The following FDCSP variants were observed in gnomAD, a reference collection of about 807,000 sequenced individuals.
FDCSP encodes the protein follicular dendritic cell secreted peptide.
Under a neutral mutation model 8.9 loss-of-function variants are expected in FDCSP, and 8 were observed. The observed-to-expected ratio is 0.90, with a 90% CI of 0.53 to 1.63. The LOEUF is 1.63. Among genes scored for constraint, FDCSP ranks in the 40% most tolerant of loss-of-function variants. The pLI is 0.00. For missense variants in FDCSP, 101 were observed against 103.6 expected, an observed-to-expected ratio of 0.98 and a Z score of 0.11; for synonymous variants, 34 against 34.5, an observed-to-expected ratio of 0.98 and a Z score of 0.06.
At chr4:70,231,818 C>G (rs554705782) in intron 2 of FDCSP, among the ~76,000 whole-genome samples, 55 of 151,740 alleles carry the variant, frequency 3.6e-4, no homozygotes, top group African/African-American at 1.3e-3. Flanking sequence ...GATGATAGTT[C>G]CACATGTCTA....
intron 1 of FDCSP, among the ~76,000 whole-genome samples, chr4:70,227,046 T>C (rs771709904): frequency 1.3e-4 from 19 of 151,880 alleles, no homozygotes; most frequent in Admixed American, 3.3e-4. Flanking sequence ...CTACATATGG[T>C]ATATATCACG....
intron 2 of FDCSP, 121 bp downstream of exon 2, chr4:70,231,372 C>T (rs1730079861): frequency 9.5e-6 from 7 of 737,320 alleles, no homozygotes; most frequent in South Asian, 9.3e-5. Context: ...CTACCAAGTG[C>T]AGTGGCTTAC....
intron 1 of FDCSP, among the ~76,000 whole-genome samples, chr4:70,227,460 A>C (rs913776545): frequency 1.3e-5 from 2 of 151,726 alleles, no homozygotes; most frequent in Non-Finnish European, 2.9e-5. Flanking sequence ...ATAGATGTAT[A>C]GGAAACATCA....
chr4:70,229,334 T>C (rs891933663), intron 1 of FDCSP, among the ~76,000 whole-genome samples: 2 of 151,774 alleles, frequency 1.3e-5, no homozygotes, highest in Non-Finnish European at 1.5e-5. Flanking sequence ...GCTGGTTTGA[T>C]CTATCCAGAC....
intron 1 of FDCSP, among the ~76,000 whole-genome samples, chr4:70,230,933 T>C (rs903313714): frequency 3.3e-5 from 5 of 151,738 alleles, no homozygotes; most frequent in Non-Finnish European, 5.9e-5. Context: ...AAATAATATG[T>C]TAATGTTTAT....
At chr4:70,234,580 C>G (rs979503385) in intron 4 of FDCSP, among the ~76,000 whole-genome samples, 1 of 151,432 alleles carries the variant, frequency 6.6e-6, no homozygotes, top group South Asian at 2.1e-4. Context: ...AGTTATGGGC[C>G]TAGAGTTTAA....
intron 1 of FDCSP, among the ~76,000 whole-genome samples, chr4:70,229,190 C>CTTTTTTTTTTTTT (rs1730038820): frequency 6.6e-6 from 1 of 151,728 alleles, no homozygotes; most frequent in African/African-American, 2.4e-5. Context: ...TTACCTTGCA[C>CTTTTTTTTTTTTT]TTTTATGTTA....
intron 2 of FDCSP, 109 bp from the exon 3 acceptor site, chr4:70,232,885 A>G: frequency 7.3e-6 from 7 of 955,232 alleles, no homozygotes; most frequent in Non-Finnish European, 1.1e-5. Context: ...ATTTTAAAAA[A>G]TGGTTATTAT....
chr4:70,234,651 T>A (rs1037293941), intron 4 of FDCSP, among the ~76,000 whole-genome samples: 5 of 151,434 alleles, frequency 3.3e-5, no homozygotes, highest in Admixed American at 2.0e-4. Context: ...ACTCCAAACC[T>A]AGCTTCCAAG....
intron 1 of FDCSP, among the ~76,000 whole-genome samples, chr4:70,227,456 G>A (rs777797): frequency 0.9 from 137,185 of 151,632 alleles, 62,163 homozygotes; most frequent in Middle Eastern, 0.96. Flanking sequence ...TCTCATAGAT[G>A]TATAGGAAAC....
rs540615354 is a variant in FDCSP, at chr4:70,230,887, C to T, written c.1-308C>T. Among the ~76,000 whole-genome samples, 5 of 151,728 alleles carry T rather than the reference C, an allele frequency of 3.3e-5. No homozygotes were observed. In the East Asian group the frequency reaches 9.7e-4, roughly 29 times the overall value. On this transcript the variant is annotated intron_variant, in intron 1 of 4. Transcript: ENST00000317987. ...ATTTTTTATTTTAAGTTCAGGGATA[C>T]ATGTGTAGGTTTGTTACATAGGAAT...
At chr4:70,233,072 A>G in intron 3 of FDCSP, 46 bp downstream of exon 3, 1 of 1,468,424 alleles carries the variant, frequency 6.8e-7, no homozygotes, top group East Asian at 2.3e-5. Flanking sequence ...TACACGTGAA[A>G]TATTCATAAC....
Position 70,232,973 on chromosome 4 carries a change from AT to A in FDCSP, c.58-18del. 6.3e-7 allele frequency: 1 copy of A among 1,582,830 alleles called. No individual in the cohort carries two copies. Among genetic ancestry groups the A allele is most frequent in the Non-Finnish European group, 8.6e-7 (1 of 1,165,280 alleles). On this transcript the variant is annotated intron_variant, in intron 2 of 4. Coordinates refer to ENST00000317987, the MANE Select transcript of FDCSP (RefSeq NM_152997.4). The stretch of plus-strand genomic sequence containing the variant: ...GTTTTCATGAGCATGAGTTTAATTA[AT>A]TTCACTATTTGATCTTTAGGTCTCT...
At position 70,231,253 on chromosome 4, in the gene FDCSP, T is replaced by G; in HGVS notation, c.57+2T>G. The G allele has an allele frequency of 1.9e-6, 3 of 1,604,318 alleles. No individual in the cohort carries two copies. Among genetic ancestry groups the G allele is most frequent in the South Asian group, 2.2e-5 (2 of 89,872 alleles). On this transcript the variant is annotated splice_donor_variant, in intron 2 of 4. Coordinates refer to ENST00000317987, the MANE Select transcript of FDCSP (RefSeq NM_152997.4). LOFTEE classifies it high-confidence loss of function. ...TTGGCAGTGGCTGTTGGTTTCCCAG[T>G]AAGTATCCACGTATACATTCCAAAA...
Position 70,234,075 on chromosome 4 carries a change from C to T in FDCSP, c.146C>T (p.Pro49Leu), listed in dbSNP as rs1417700680. ...SGFFVFPYPY[P>L]FRPLPPIPFP... ...TTTTTTGTGTTCCCTTACCCATATC[C>T]ATTTCGCCCACTTCCACCAATTCCA... Residue 49 changes from proline to leucine, a missense_variant, in exon 4 of 5, where the codon CCA becomes CTA. Pro to Leu is a moderately conservative substitution (Grantham distance 98). Coordinates refer to ENST00000317987, the MANE Select transcript of FDCSP (RefSeq NM_152997.4). 6.2e-7 allele frequency: 1 copy of T among 1,611,156 alleles called. No homozygotes were observed. Among genetic ancestry groups the T allele is most frequent in the Non-Finnish European group, 8.5e-7 (1 of 1,178,150 alleles).
At position 70,235,154 on chromosome 4, in the gene FDCSP, T is replaced by C. The variant is rs182270445; in HGVS notation, c.*98T>C. On this transcript the variant is annotated 3_prime_UTR_variant, in exon 5 of 5. Coordinates refer to ENST00000317987, the MANE Select transcript of FDCSP (RefSeq NM_152997.4). The stretch of plus-strand genomic sequence containing the variant: ...TTCCTGTTAATAAAAGAAAAACAAA[T>C]GTAATTGAAATAGCACACAGCATTC... 12 of 151,826 alleles carry C rather than the reference T, an allele frequency of 7.9e-5. No individual in the cohort carries two copies. Among genetic ancestry groups the C allele is most frequent in the African/African-American group, 2.9e-4 (12 of 41,496 alleles). The allele number at this position is 151,826 out of a possible 1,614,324, so 9.4% of individuals were successfully genotyped here. A position where few individuals can be genotyped will look rare whatever the true frequency, so the allele number is the denominator to read the frequency against.
rs1468981537 is a variant in FDCSP at position 70,231,423 on chromosome 4, T to C, written c.57+172T>C. On this transcript the variant is annotated intron_variant, in intron 2 of 4. Coordinates refer to ENST00000317987, the MANE Select transcript of FDCSP (RefSeq NM_152997.4). The stretch of plus-strand genomic sequence containing the variant: ...AATTTGGGAGGTCAAGGCAGGAGAA[T>C]CACTTGAGCCCACAAGTTCAAGACC... 8.6e-5 allele frequency among the ~76,000 whole-genome samples: 13 copies of C among 151,570 alleles called. No individual in the cohort carries two copies. The Admixed American group carries it at 8.6e-4, about 10-fold the overall frequency.
At chr4:70,233,129 G>A in intron 3 of FDCSP, 103 bp downstream of exon 3, 3 of 990,186 alleles carry the variant, frequency 3.0e-6, no homozygotes, top group Non-Finnish European at 4.5e-6. Flanking sequence ...ACTGTGGAGA[G>A]ATTCATAAAG....
intron 2 of FDCSP, 58 bp from the exon 3 acceptor site, chr4:70,232,936 A>ATTTCC: frequency 7.2e-7 from 1 of 1,388,400 alleles, no homozygotes; most frequent in Non-Finnish European, 1.0e-6. Flanking sequence ...ATATGTATAT[A>ATTTCC]TTTATTTGTG....
Sources: allele counts gnomAD v4.1 joint callset (sites outside exome capture counted in the v4.1 genomes callset), GRCh38; gene constraint gnomAD v4.1.1; transcripts MANE v1.5; gene names NCBI Gene and HGNC (gene_info 2026-07-23, HGNC 2026-07-21).